The following LRFN5 variants were observed in gnomAD, a reference collection of about 807,000 sequenced individuals.
The protein encoded by LRFN5 is leucine rich repeat and fibronectin type III domain containing 5.
A neutral mutation model predicts 45.6 loss-of-function variants in LRFN5; 24 were observed. That is an observed-to-expected ratio of 0.53 (90% confidence interval 0.38 to 0.74). The LOEUF is 0.74. Ranked by LOEUF, LRFN5 falls within the 30% of genes least tolerant of loss-of-function variation. The probability of loss-of-function intolerance (pLI) is 0.00; values close to 1 mark genes in which losing one functional copy is unlikely to be tolerated. For missense variants in LRFN5, 776 were observed against 861.5 expected, an observed-to-expected ratio of 0.90 and a Z score of 1.24; for synonymous variants, 340 against 313.8, an observed-to-expected ratio of 1.08 and a Z score of -0.88.
At chr14:41,865,200 C>CA (rs1030465202) in intron 2 of LRFN5, among the ~76,000 whole-genome samples, 43 of 152,100 alleles carry the variant, frequency 2.8e-4, no homozygotes, top group African/African-American at 9.6e-4. Flanking sequence ...TGTCATCCCA[C>CA]AAAAAAACCA....
intron 2 of LRFN5, among the ~76,000 whole-genome samples, chr14:41,808,940 A>G (rs1010562064): frequency 6.6e-6 from 1 of 152,088 alleles, no homozygotes; most frequent in Non-Finnish European, 1.5e-5. Context: ...TTACTTGATC[A>G]GTTATTCATT....
chr14:41,844,262 C>T (rs560320824), intron 2 of LRFN5, among the ~76,000 whole-genome samples: 2 of 151,942 alleles, frequency 1.3e-5, no homozygotes, highest in South Asian at 2.1e-4. Flanking sequence ...ATGGTGAAAC[C>T]CCGTCTCTAC....
At chr14:41,806,905 A>C (rs1032274925) in intron 2 of LRFN5, among the ~76,000 whole-genome samples, 4 of 152,084 alleles carry the variant, frequency 2.6e-5, no homozygotes, top group Admixed American at 1.3e-4. Context: ...GCAGCCTGGG[A>C]ATCTAGAGCC....
intron 1 of LRFN5, among the ~76,000 whole-genome samples, chr14:41,626,143 C>G (rs956350907): frequency 6.6e-6 from 1 of 151,840 alleles, no homozygotes; most frequent in Admixed American, 6.6e-5. Flanking sequence ...TGCTTTTTAC[C>G]TTGTTAATGT....
intron 1 of LRFN5, among the ~76,000 whole-genome samples, chr14:41,679,301 A>G (rs1183248529): frequency 6.6e-6 from 1 of 152,020 alleles, no homozygotes; most frequent in Admixed American, 6.5e-5. Flanking sequence ...ATATGACACC[A>G]CTTTCCTAAC....
At chr14:41,823,530 T>C (rs994334287) in intron 2 of LRFN5, among the ~76,000 whole-genome samples, 8 of 152,114 alleles carry the variant, frequency 5.3e-5, no homozygotes, top group African/African-American at 1.4e-4. Context: ...CTTTTGGGAT[T>C]TATTTTATAG....
chr14:41,751,027 G>A (rs1253832990), intron 1 of LRFN5, among the ~76,000 whole-genome samples: 1 of 151,848 alleles, frequency 6.6e-6, no homozygotes, highest in Non-Finnish European at 1.5e-5. Context: ...CTGTGTCCAT[G>A]TGTTCTCATT....
intron 1 of LRFN5, among the ~76,000 whole-genome samples, chr14:41,720,461 G>T (rs988932625): frequency 1.3e-5 from 2 of 152,016 alleles, no homozygotes; most frequent in African/African-American, 2.4e-5. Context: ...CCAGTAATGC[G>T]ATTGCTAGGT....
chr14:41,674,870 C>A (rs1881524314), intron 1 of LRFN5, among the ~76,000 whole-genome samples: 1 of 151,502 alleles, frequency 6.6e-6, no homozygotes, highest in Non-Finnish European at 1.5e-5. Context: ...GGCGGAGGGT[C>A]TCCTCGCTTC....
intron 1 of LRFN5, among the ~76,000 whole-genome samples, chr14:41,642,062 T>C (rs1386714803): frequency 1.3e-5 from 2 of 152,188 alleles, no homozygotes; most frequent in African/African-American, 4.8e-5. Context: ...GCAGAAGTAA[T>C]TTCTGTTATG....
intron 1 of LRFN5, among the ~76,000 whole-genome samples, chr14:41,766,593 A>T (rs927521197): frequency 6.6e-6 from 1 of 152,200 alleles, no homozygotes; most frequent in African/African-American, 2.4e-5. Context: ...TATACAGCTT[A>T]AGATTATTTA....
chr14:41,637,260 T>A (rs1417832131), intron 1 of LRFN5, among the ~76,000 whole-genome samples: 1 of 151,948 alleles, frequency 6.6e-6, no homozygotes, highest in East Asian at 1.9e-4. Flanking sequence ...CTAGGGAGAG[T>A]TGTTCTCTTT....
At position 41,887,647 on chromosome 14, in the gene LRFN5, C is replaced by T. The variant is rs769136851; in HGVS notation, c.1022C>T (p.Thr341Ile). 6.2e-7 allele frequency: 1 copy of T among 1,614,078 alleles called. No homozygotes were observed. The highest frequency in any genetic ancestry group is 8.5e-7 in the Non-Finnish European group (1 of 1,180,048). ...ATRSLVYDNG[T>I]LDILITTVKD... ...AGATCTCTGGTGTATGATAACGGAA[C>T]ACTTGACATTCTTATCACAACTGTA... is the stretch of plus-strand genomic sequence containing the variant. The change falls in exon 3 of 6, where the codon ACA becomes ATA. Residue 341 changes from threonine (T) to isoleucine (I), a missense_variant. Physicochemically the swap from Thr to Ile is moderately conservative, Grantham distance 89. Transcript: ENST00000298119. The surrounding 1 kb of genome is among the most constrained non-coding windows in gnomAD (Gnocchi z 4.8).
intron 1 of LRFN5, among the ~76,000 whole-genome samples, chr14:41,688,393 A>G (rs917552844): frequency 6.6e-6 from 1 of 152,056 alleles, no homozygotes; most frequent in Non-Finnish European, 1.5e-5. Flanking sequence ...TGATTATTAT[A>G]TATTGTATGC....
chr14:41,660,748 A>G (rs1880611277), intron 1 of LRFN5, among the ~76,000 whole-genome samples: 1 of 151,870 alleles, frequency 6.6e-6, no homozygotes, highest in Non-Finnish European at 1.5e-5. Context: ...AAACTACAGT[A>G]TTAATCAGAA....
At chr14:41,849,792 C>T (rs1594463720) in intron 2 of LRFN5, among the ~76,000 whole-genome samples, 1 of 151,812 alleles carries the variant, frequency 6.6e-6, no homozygotes, top group Admixed American at 6.6e-5. Context: ...CCTGTCAATC[C>T]TCCCCTCTGA....
At chr14:41,857,445 C>G (rs1889509104) in intron 2 of LRFN5, among the ~76,000 whole-genome samples, 1 of 152,140 alleles carries the variant, frequency 6.6e-6, no homozygotes. Flanking sequence ...CAGAATCTAT[C>G]TCCTCGTGGT....
intron 1 of LRFN5, among the ~76,000 whole-genome samples, chr14:41,674,596 C>T (rs1375952853): frequency 6.9e-5 from 10 of 144,570 alleles, no homozygotes; most frequent in African/African-American, 2.3e-4. Context: ...GCTGGCCGGG[C>T]AGGGGGCTGA....
intron 2 of LRFN5, among the ~76,000 whole-genome samples, chr14:41,868,903 C>T (rs1889927225): frequency 6.6e-6 from 1 of 152,126 alleles, no homozygotes; most frequent in African/African-American, 2.4e-5. Flanking sequence ...CTATATGTCC[C>T]ATGGAAACTA....
Sources: gnomAD v4.1 joint callset for allele counts (sites outside exome capture counted in the v4.1 genomes callset) on GRCh38, gnomAD v4.1.1 for gene constraint, Gnocchi (gnomAD v3.1) non-coding constraint, MANE v1.5 for transcripts, NCBI Gene and HGNC (gene_info 2026-07-23, HGNC 2026-07-21) for gene names.